The following CACNA2D3 variants were observed in gnomAD, a reference collection of about 807,000 sequenced individuals.
CACNA2D3 encodes voltage-dependent calcium channel subunit alpha-2/delta-3.
Under a neutral mutation model 160.6 loss-of-function variants are expected in CACNA2D3, and 60 were observed. The observed-to-expected ratio is 0.37, with a 90% confidence interval of 0.30 to 0.46. CACNA2D3 has a LOEUF of 0.46. Among genes scored for constraint, CACNA2D3 ranks in the 20% least tolerant of loss-of-function variants. The probability of loss-of-function intolerance (pLI) is 1.00; values close to 1 mark genes in which losing one functional copy is unlikely to be tolerated. For synonymous variants in CACNA2D3, 558 were observed against 492.9 expected (o/e 1.13, Z -1.75); for missense variants, 1,205 against 1,365.0 (o/e 0.88, Z 1.85).
At chr3:54,549,852 C>T (rs890263245) in intron 5 of CACNA2D3, among the ~76,000 whole-genome samples, 2 of 152,158 alleles carry the variant, frequency 1.3e-5, no homozygotes, top group African/African-American at 2.4e-5. Flanking sequence ...ATGGCAGGCT[C>T]ACAAAATCAT....
intron 27 of CACNA2D3, among the ~76,000 whole-genome samples, chr3:54,906,818 C>T (rs1287396773): frequency 6.6e-6 from 1 of 152,210 alleles, no homozygotes; most frequent in Non-Finnish European, 1.5e-5. Flanking sequence ...GGACTGACAA[C>T]AGCAAACTTT....
At chr3:54,665,904 C>G (rs557548801) in intron 11 of CACNA2D3, among the ~76,000 whole-genome samples, 45 of 151,752 alleles carry the variant, frequency 3.0e-4, no homozygotes, top group Admixed American at 7.2e-4. Context: ...CAGGTTCAAG[C>G]GATACTCCTA....
intron 5 of CACNA2D3, among the ~76,000 whole-genome samples, chr3:54,549,099 A>G (rs968133519): frequency 2.6e-5 from 4 of 152,288 alleles, no homozygotes; most frequent in Middle Eastern, 3.4e-3. Flanking sequence ...TGTCTCTCCA[A>G]TATAAATCTC....
intron 2 of CACNA2D3, among the ~76,000 whole-genome samples, chr3:54,245,977 G>A (rs775755099): frequency 1.5e-4 from 23 of 152,176 alleles, no homozygotes; most frequent in African/African-American, 2.9e-4. Context: ...AGGCGTGAGC[G>A]CCTGCATATC....
intron 2 of CACNA2D3, among the ~76,000 whole-genome samples, chr3:54,164,559 T>C (rs1408382865): frequency 6.6e-6 from 1 of 152,224 alleles, no homozygotes; most frequent in Non-Finnish European, 1.5e-5. Context: ...TCTTAAGCCT[T>C]GGGAGGAACC....
chr3:54,373,408 T>C (rs1319175948), intron 3 of CACNA2D3, among the ~76,000 whole-genome samples: 1 of 152,226 alleles, frequency 6.6e-6, no homozygotes, highest in Non-Finnish European at 1.5e-5. Flanking sequence ...GCCCCTGGTA[T>C]GTTATGAATG....
At position 54,345,570 on chromosome 3, in the gene CACNA2D3, G is replaced by C. The variant is rs566210234; in HGVS notation, c.321+25012G>C. ...CCTGTGGTGAGAGGGCAGAGGAGCT[G>C]GGATCGGAGTTCCCGAGAGGCTGAG... On this transcript the variant is annotated intron_variant, in intron 3 of 37. Coordinates refer to ENST00000474759, the MANE Select transcript of CACNA2D3 (RefSeq NM_018398.3). 5.3e-5 allele frequency among the ~76,000 whole-genome samples: 8 copies of C among 152,234 alleles called. No homozygotes were observed. The South Asian group carries it at 1.5e-3, about 28-fold the overall frequency.
At chr3:54,537,119 G>A (rs115499793) in intron 5 of CACNA2D3, among the ~76,000 whole-genome samples, 2,102 of 152,162 alleles carry the variant, frequency 0.014, 23 homozygotes, top group Non-Finnish European at 0.021. Context: ...GAGAGAGAGA[G>A]AGATGGAAGA....
chr3:54,864,754 A>G (rs73843729), intron 17 of CACNA2D3, among the ~76,000 whole-genome samples: 1 of 152,240 alleles, frequency 6.6e-6, no homozygotes, highest in African/African-American at 2.4e-5. Flanking sequence ...TGAACCAAGG[A>G]CCTGCATTAG....
At chr3:54,748,729 G>A (rs1284143877) in intron 11 of CACNA2D3, among the ~76,000 whole-genome samples, 7 of 152,108 alleles carry the variant, frequency 4.6e-5, no homozygotes, top group Non-Finnish European at 1.0e-4. Context: ...CCGTGCACCT[G>A]GCCTTCAGGA....
intron 9 of CACNA2D3, among the ~76,000 whole-genome samples, chr3:54,618,186 A>C (rs931072668): frequency 6.6e-6 from 1 of 151,552 alleles, no homozygotes. Flanking sequence ...TTATTGACTC[A>C]ATTCTTTATC....
chr3:54,370,584 G>A lies in CACNA2D3; in HGVS notation c.322-16131G>A, dbSNP rs77166653. On this transcript the variant is annotated intron_variant, in intron 3 of 37. Coordinates refer to ENST00000474759, the MANE Select transcript of CACNA2D3 (RefSeq NM_018398.3). ...ACTGGCTGTCACAGTGGCACATTCT[G>A]TGGAGGTGGATTGTACCCACTAAGT... 3.5e-3 allele frequency among the ~76,000 whole-genome samples: 539 copies of A among 152,320 alleles called. 12 individuals are homozygous for A. The East Asian group carries it at 0.062, about 17-fold the overall frequency.
At chr3:55,040,146 G>A (rs358496) in intron 35 of CACNA2D3, among the ~76,000 whole-genome samples, 9,893 of 152,078 alleles carry the variant, frequency 0.065, 1,075 homozygotes, top group African/African-American at 0.23. Flanking sequence ...GAGCAGGTTC[G>A]TCTCTGGTTT....
intron 27 of CACNA2D3, among the ~76,000 whole-genome samples, chr3:54,909,794 T>A (rs1037254802): frequency 1.3e-5 from 2 of 151,914 alleles, no homozygotes; most frequent in African/African-American, 4.8e-5. Flanking sequence ...GGTTGGACAG[T>A]GAGGTCGGCT....
At chr3:54,797,863 A>G (rs1438939558) in intron 13 of CACNA2D3, among the ~76,000 whole-genome samples, 1 of 152,246 alleles carries the variant, frequency 6.6e-6, no homozygotes, top group Non-Finnish European at 1.5e-5. Flanking sequence ...AACCATTGCT[A>G]TGCAAATGTA....
At chr3:54,750,775 CTTT>C (rs36019615) in intron 11 of CACNA2D3, among the ~76,000 whole-genome samples, 1 of 144,312 alleles carries the variant, frequency 6.9e-6, no homozygotes, top group Non-Finnish European at 1.5e-5. Flanking sequence ...TGGATCTTTG[CTTT>C]TTTTTTTTTT....
At chr3:54,436,072 G>C (rs1700055412) in intron 4 of CACNA2D3, among the ~76,000 whole-genome samples, 4 of 152,030 alleles carry the variant, frequency 2.6e-5, no homozygotes, top group African/African-American at 9.7e-5. Context: ...AGACCTAAAG[G>C]ATCTTTGGAA....
intron 27 of CACNA2D3, among the ~76,000 whole-genome samples, chr3:54,915,049 A>C (rs1490045150): frequency 6.6e-6 from 1 of 152,174 alleles, no homozygotes; most frequent in African/African-American, 2.4e-5. Context: ...AGGAGATTTG[A>C]TTTGCACAGA....
intron 4 of CACNA2D3, among the ~76,000 whole-genome samples, chr3:54,422,998 A>T (rs548922186): frequency 6.6e-6 from 1 of 152,330 alleles, no homozygotes; most frequent in South Asian, 2.1e-4. Flanking sequence ...GCAATTCTAC[A>T]GGTAATGGCT....
Sources: gnomAD v4.1 joint callset for allele counts (sites outside exome capture counted in the v4.1 genomes callset) on GRCh38, gnomAD v4.1.1 for gene constraint, MANE v1.5 for transcripts, NCBI Gene and HGNC (gene_info 2026-07-23, HGNC 2026-07-21) for gene names.